The following LRRTM4 variants were observed in gnomAD, a reference collection of about 807,000 sequenced individuals.
LRRTM4 encodes leucine rich repeat transmembrane neuronal 4.
In LRRTM4, 25 loss-of-function variants were observed where a neutral mutation model predicts 47.6. The observed-to-expected ratio is 0.53, with a 90% CI of 0.38 to 0.73. The LOEUF is 0.73. Ranked by LOEUF, LRRTM4 falls within the 30% of genes least tolerant of loss-of-function variation. LRRTM4 has a pLI of 0.00. For synonymous variants in LRRTM4, 311 were observed against 269.5 expected, an observed-to-expected ratio of 1.15 and a Z score of -1.51; for missense variants, 638 against 713.4, an observed-to-expected ratio of 0.89 and a Z score of 1.20.
intron 3 of LRRTM4, among the ~76,000 whole-genome samples, chr2:77,063,017 C>T (rs574502324): frequency 4.7e-5 from 7 of 149,520 alleles, no homozygotes; most frequent in Middle Eastern, 3.4e-3. Flanking sequence ...TGCAGTGGCA[C>T]GATCTCGGCT....
intron 3 of LRRTM4, among the ~76,000 whole-genome samples, chr2:76,777,706 C>G (rs1056493311): frequency 6.6e-6 from 1 of 150,378 alleles, no homozygotes; most frequent in African/African-American, 2.4e-5. Flanking sequence ...CGTCTGCAAA[C>G]AGGGACAATT....
intron 3 of LRRTM4, among the ~76,000 whole-genome samples, chr2:77,425,556 C>A (rs949480169): frequency 6.6e-6 from 1 of 152,270 alleles, no homozygotes; most frequent in Admixed American, 6.5e-5. Flanking sequence ...TCAAGGCTCC[C>A]TCTAAAGATT....
intron 3 of LRRTM4, among the ~76,000 whole-genome samples, chr2:77,204,792 T>C (rs1022960089): frequency 1.3e-5 from 2 of 152,170 alleles, no homozygotes; most frequent in African/African-American, 4.8e-5. Context: ...ACTAAGCAGA[T>C]AGGAAGGGCT....
At chr2:76,799,638 A>T (rs1158491940) in intron 3 of LRRTM4, among the ~76,000 whole-genome samples, 2 of 135,542 alleles carry the variant, frequency 1.5e-5, no homozygotes, top group African/African-American at 2.9e-5. Flanking sequence ...AGGGTATTCA[A>T]TTAGGAAAAG....
chr2:77,166,865 C>T (rs936885663), intron 3 of LRRTM4, among the ~76,000 whole-genome samples: 1 of 152,036 alleles, frequency 6.6e-6, no homozygotes, highest in Non-Finnish European at 1.5e-5. Flanking sequence ...AGAAGAAAAC[C>T]TAGGCAATAC....
At chr2:77,089,351 CTCA>C (rs1336099703) in intron 3 of LRRTM4, among the ~76,000 whole-genome samples, 15 of 151,726 alleles carry the variant, frequency 9.9e-5, no homozygotes, top group Admixed American at 7.2e-4. Flanking sequence ...GTACCCCAAC[CTCA>C]TATCTCTGCA....
intron 3 of LRRTM4, among the ~76,000 whole-genome samples, chr2:77,454,883 T>C (rs1026944948): frequency 6.6e-6 from 1 of 152,164 alleles, no homozygotes; most frequent in Non-Finnish European, 1.5e-5. Context: ...CTTTTATTTA[T>C]TTATTTTTTA....
intron 3 of LRRTM4, among the ~76,000 whole-genome samples, chr2:77,198,853 C>G (rs1382723307): frequency 6.6e-6 from 1 of 152,156 alleles, no homozygotes; most frequent in East Asian, 1.9e-4. Flanking sequence ...CTAACTACTA[C>G]ATTCTTAGTG....
In LRRTM4 at chr2:77,302,110, T is replaced by C. The variant is rs141067639; in HGVS notation, c.1551+216208A>G. Among the ~76,000 whole-genome samples the C allele has an allele frequency of 7.7e-4, 117 of 152,252 alleles. No homozygotes were observed. In the East Asian group the frequency reaches 7.9e-3, roughly 10 times the overall value. ...ATCAGAAAAGCAATAGAGGAATAGATAGAAATAAAGACATACTTTTCTAGT... is the reference window on the plus strand; with the variant it reads ...ATCAGAAAAGCAATAGAGGAATAGACAGAAATAAAGACATACTTTTCTAGT... On this transcript the variant is annotated intron_variant, in intron 3 of 3. Coordinates refer to ENST00000409884, the MANE Select transcript of LRRTM4 (RefSeq NM_001134745.3).
At chr2:76,976,502 G>C (rs923997052) in intron 3 of LRRTM4, among the ~76,000 whole-genome samples, 10 of 151,374 alleles carry the variant, frequency 6.6e-5, no homozygotes, top group Non-Finnish European at 1.0e-4. Context: ...TAGCCATTTA[G>C]TCTCTTGGTT....
chr2:77,477,057 C>T (rs1273451936), intron 3 of LRRTM4, among the ~76,000 whole-genome samples: 1 of 151,532 alleles, frequency 6.6e-6, no homozygotes, highest in East Asian at 2.0e-4. Context: ...TTCCAATGCA[C>T]TTCTCCTGAA....
chr2:77,064,860 A>G (rs1679903310), intron 3 of LRRTM4, among the ~76,000 whole-genome samples: 2 of 152,192 alleles, frequency 1.3e-5, no homozygotes, highest in South Asian at 2.1e-4. Context: ...TCTGATTTAC[A>G]GACTTAACCT....
intron 3 of LRRTM4, among the ~76,000 whole-genome samples, chr2:76,876,179 A>G (rs1573243284): frequency 6.6e-6 from 1 of 152,152 alleles, no homozygotes. Context: ...TTTAAGAGCA[A>G]CAAATAAGAT....
intron 3 of LRRTM4, among the ~76,000 whole-genome samples, chr2:77,011,547 G>GCA (rs1677876073): frequency 6.7e-6 from 1 of 149,984 alleles, no homozygotes; most frequent in Admixed American, 6.6e-5. Flanking sequence ...GTGTGTGTGT[G>GCA]TGTGTGTGTG....
intron 3 of LRRTM4, among the ~76,000 whole-genome samples, chr2:76,927,667 A>G (rs1203056942): frequency 6.6e-6 from 1 of 152,162 alleles, no homozygotes; most frequent in Admixed American, 6.6e-5. Context: ...AGAGGTAGCA[A>G]ATAAATGAAT....
chr2:77,485,282 T>C, intron 3 of LRRTM4, among the ~76,000 whole-genome samples: 1 of 152,066 alleles, frequency 6.6e-6, no homozygotes, highest in Non-Finnish European at 1.5e-5. Context: ...AGAGACCAAG[T>C]AAACCTTGGG....
intron 3 of LRRTM4, among the ~76,000 whole-genome samples, chr2:77,035,626 T>C (rs926006247): frequency 2.0e-5 from 3 of 151,958 alleles, no homozygotes; most frequent in African/African-American, 7.2e-5. Context: ...TTTATAAATA[T>C]CAAATTATAC....
intron 3 of LRRTM4, among the ~76,000 whole-genome samples, chr2:77,223,941 G>T (rs557257798): frequency 1.9e-4 from 29 of 152,130 alleles, no homozygotes; most frequent in Admixed American, 3.3e-4. Flanking sequence ...GAGGCATCAC[G>T]CTACCTGACT....
intron 3 of LRRTM4, among the ~76,000 whole-genome samples, chr2:77,187,363 T>C (rs996777841): frequency 6.6e-6 from 1 of 151,066 alleles, no homozygotes; most frequent in African/African-American, 2.4e-5. Context: ...CTTCAGCAAA[T>C]CACTTCCACA....
Sources: gnomAD v4.1 joint callset for allele counts (sites outside exome capture counted in the v4.1 genomes callset) on GRCh38, gnomAD v4.1.1 for gene constraint, MANE v1.5 for transcripts, NCBI Gene and HGNC (gene_info 2026-07-23, HGNC 2026-07-21) for gene names.